The following ZNF420 variants were observed in gnomAD, a reference collection of about 807,000 sequenced individuals.
ZNF420 encodes the protein ATM and p53-associated KZNF protein.
A neutral mutation model predicts 44.7 loss-of-function variants in ZNF420; 31 were observed. The observed-to-expected ratio is 0.69, with a 90% CI of 0.52 to 0.94. The LOEUF is 0.94. Ranked by LOEUF, ZNF420 falls within the 40% of genes least tolerant of loss-of-function variation. The probability of loss-of-function intolerance (pLI) is 0.00; values close to 1 mark genes in which losing one functional copy is unlikely to be tolerated. For missense variants in ZNF420, 681 were observed against 827.9 expected (o/e 0.82, Z 2.18); for synonymous variants, 245 against 267.4 (o/e 0.92, Z 0.82).
At chr19:37,094,871 G>A (rs994747187) in intron 4 of ZNF420, among the ~76,000 whole-genome samples, 22 of 152,110 alleles carry the variant, frequency 1.4e-4, no homozygotes, top group Admixed American at 1.2e-3. Context: ...GGTGGCTCAC[G>A]CCTGTAATCC....
At chr19:37,104,590 A>G (rs1969970673) in intron 4 of ZNF420, among the ~76,000 whole-genome samples, 1 of 152,192 alleles carries the variant, frequency 6.6e-6, no homozygotes, top group Non-Finnish European at 1.5e-5. Flanking sequence ...GAACTAGTTT[A>G]CAGTCCCACC....
chr19:37,013,656 C>T (rs558641163), intron 1 of ZNF420, among the ~76,000 whole-genome samples: 4 of 152,124 alleles, frequency 2.6e-5, no homozygotes, highest in African/African-American at 7.2e-5. Flanking sequence ...TCTGGTGAGG[C>T]GGGGAGGGCC....
At position 37,095,085 on chromosome 19, in the gene ZNF420, C is replaced by T. The variant is rs149848027; in HGVS notation, c.136+3964C>T. Among the ~76,000 whole-genome samples, 491 of 149,860 alleles carry T rather than the reference C, an allele frequency of 3.3e-3. 5 individuals are homozygous for T. Among genetic ancestry groups the T allele is most frequent in the African/African-American group, 0.012 (470 of 40,612 alleles). ...GGCGGAGGTTGCAGTGAGCTAAGAT[C>T]GCGCCACAGCACTCCAGCCTAGTGA... is the stretch of plus-strand genomic sequence containing the variant. On this transcript the variant is annotated intron_variant, in intron 4 of 4. Coordinates refer to ENST00000337995, the MANE Select transcript of ZNF420 (RefSeq NM_144689.5).
At chr19:37,076,030 T>G (rs1968142081), upstream of ZNF420, among the ~76,000 whole-genome samples, 1 of 152,196 alleles carries the variant, frequency 6.6e-6, no homozygotes, top group Admixed American at 6.5e-5. Context: ...AAGTACCTCT[T>G]TGTGAATCTG....
chr19:37,063,091 T>TATCC (rs10675375), intron 1 of ZNF420, among the ~76,000 whole-genome samples: 75,240 of 151,438 alleles, frequency 0.5, 19,242 homozygotes, highest in African/African-American at 0.56. Flanking sequence ...CTCTTCGATC[T>TATCC]ATCCATCCAT....
chr19:37,126,068 T>C (rs1234337758), intron 4 of ZNF420, among the ~76,000 whole-genome samples: 1 of 152,136 alleles, frequency 6.6e-6, no homozygotes, highest in Non-Finnish European at 1.5e-5. Flanking sequence ...ATCTCTTTGA[T>C]TTTCATATTT....
chr19:37,102,742 G>A (rs1452297689), intron 4 of ZNF420, among the ~76,000 whole-genome samples: 2 of 152,114 alleles, frequency 1.3e-5, no homozygotes, highest in African/African-American at 4.8e-5. Flanking sequence ...TTCTCGTGAG[G>A]GGATATGAGT....
In ZNF420 at chr19:37,089,107, G is replaced by A. The variant is rs1391780149; in HGVS notation, c.-12G>A. 3 of 1,612,996 alleles carry A rather than the reference G, an allele frequency of 1.9e-6. No homozygotes were observed. In the African/African-American group the frequency reaches 4.0e-5, roughly 22 times the overall value. ...AGAAGAGGACTGATCATTTCTTGCA[G>A]CTCTAAAAACCATGGCTCGGGTAAA... is the stretch of plus-strand genomic sequence containing the variant. On this transcript the variant is annotated 5_prime_UTR_variant, in exon 3 of 5. Transcript: ENST00000337995.
chr19:37,066,240 C>T (rs912901048), intron 1 of ZNF420, among the ~76,000 whole-genome samples: 3 of 152,108 alleles, frequency 2.0e-5, no homozygotes, highest in Non-Finnish European at 2.9e-5. Flanking sequence ...GTCAGGAGTT[C>T]GAGACCAGCC....
chr19:37,108,757 A>C (rs1970230424), intron 4 of ZNF420, among the ~76,000 whole-genome samples: 1 of 151,532 alleles, frequency 6.6e-6, no homozygotes, highest in South Asian at 2.1e-4. Context: ...GTTTGTCTAA[A>C]CTTTCTGTTA....
intron 1 of ZNF420, among the ~76,000 whole-genome samples, chr19:37,053,421 AG>A (rs1183801588): frequency 6.6e-6 from 1 of 152,176 alleles, no homozygotes; most frequent in Non-Finnish European, 1.5e-5. Context: ...CGTTCCTTGG[AG>A]GAGGAGAGGC....
chr19:37,063,686 C>T (rs1048824677), intron 1 of ZNF420, among the ~76,000 whole-genome samples: 8 of 152,052 alleles, frequency 5.3e-5, no homozygotes, highest in African/African-American at 7.2e-5. Flanking sequence ...CCCCATCAGT[C>T]GCTCTAATTC....
chr19:37,017,653 A>G (rs2074617668), intron 1 of ZNF420, among the ~76,000 whole-genome samples: 1 of 152,210 alleles, frequency 6.6e-6, no homozygotes. Context: ...CAAATTAGGA[A>G]TTGAAGGAAA....
At chr19:37,057,470 GTC>G (rs1967779632) in intron 1 of ZNF420, among the ~76,000 whole-genome samples, 1 of 147,818 alleles carries the variant, frequency 6.8e-6, no homozygotes, top group Admixed American at 6.7e-5. Context: ...TTATCTCTCT[GTC>G]TCTCACTCTC....
At chr19:37,090,548 A>G (rs1329477192) in intron 3 of ZNF420, among the ~76,000 whole-genome samples, 2 of 151,860 alleles carry the variant, frequency 1.3e-5, no homozygotes, top group African/African-American at 4.8e-5. Flanking sequence ...AGGAATAATC[A>G]GGAACATATT....
At chr19:37,068,941 T>C (rs35655645) in intron 1 of ZNF420, among the ~76,000 whole-genome samples, 24,677 of 151,970 alleles carry the variant, frequency 0.16, 2,138 homozygotes, top group African/African-American at 0.23. Flanking sequence ...TTACTAAAAA[T>C]ACACACTATA....
chr19:37,010,837 A>G (rs2074563994), intron 1 of ZNF420, among the ~76,000 whole-genome samples: 2 of 152,176 alleles, frequency 1.3e-5, no homozygotes, highest in South Asian at 4.1e-4. Flanking sequence ...ACCACACTCC[A>G]GCCAAGGACA....
intron 4 of ZNF420, chr19:37,106,699 C>T (rs1233469960): frequency 2.0e-5 from 3 of 151,922 alleles, no homozygotes; most frequent in Admixed American, 1.3e-4. Context: ...TCAGGTGGAA[C>T]GAGAGACTGA....
chr19:37,066,593 A>T (rs1198754182), intron 1 of ZNF420, among the ~76,000 whole-genome samples: 5 of 152,250 alleles, frequency 3.3e-5, no homozygotes, highest in African/African-American at 1.2e-4. Flanking sequence ...AATGTAAATT[A>T]AAAATACTGT....
Sources: gnomAD v4.1 joint callset for allele counts (sites outside exome capture counted in the v4.1 genomes callset) on GRCh38, gnomAD v4.1.1 for gene constraint, MANE v1.5 for transcripts, NCBI Gene and HGNC (gene_info 2026-07-23, HGNC 2026-07-21) for gene names.